Variants in GATA3 observed in about 807,000 individuals in gnomAD.
GATA3 encodes the protein trans-acting T-cell-specific transcription factor GATA-3.
Under a neutral mutation model 36.0 loss-of-function variants are expected in GATA3, and 6 were observed. The observed-to-expected ratio is 0.17, with a 90% confidence interval of 0.09 to 0.33. The LOEUF is 0.33. GATA3 is among the 10% of genes least tolerant of loss of function. The pLI is 1.00. For missense variants in GATA3, 514 were observed against 610.1 expected (o/e 0.84, Z 1.66); for synonymous variants, 326 against 273.0 (o/e 1.19, Z -1.92).
chr10:8,061,217 C>T (rs961328568), intron 3 of GATA3, among the ~76,000 whole-genome samples: 2 of 152,154 alleles, frequency 1.3e-5, no homozygotes, highest in African/African-American at 2.4e-5. Context: ...GCTGTCTTAA[C>T]GCCTGGGCTT....
At chr10:8,047,177 G>A (rs1244836520) in intron 1 of GATA3, among the ~76,000 whole-genome samples, 1 of 152,214 alleles carries the variant, frequency 6.6e-6, no homozygotes, top group African/African-American at 2.4e-5. Flanking sequence ...TTTTCTTTTG[G>A]GTTGTCCAGT....
At chr10:8,069,174 G>A (rs1832890858) in intron 4 of GATA3, among the ~76,000 whole-genome samples, 1 of 152,124 alleles carries the variant, frequency 6.6e-6, no homozygotes. Flanking sequence ...TGTGGGTTGA[G>A]GGTAGGAGGC....
rs1191930239 is a variant in GATA3, at chr10:8,058,453, C to T, written c.390C>T (p.Leu130=). The T allele has an allele frequency of 6.2e-7, 1 of 1,612,934 alleles. No homozygotes were observed. Among genetic ancestry groups the T allele is most frequent in the Non-Finnish European group, 8.5e-7 (1 of 1,179,906 alleles). Residue 130 remains leucine, a synonymous_variant, in exon 3 of 6, where the codon CTC becomes CTT. Transcript: ENST00000379328. ...TCCACCACGGCTCCCCGGGGCCCCTCTCCGTCTACCCCCCGGCCTCGTCCT... is the reference window on the plus strand; with the variant it reads ...TCCACCACGGCTCCCCGGGGCCCCTTTCCGTCTACCCCCCGGCCTCGTCCT... The part of the protein sequence containing the change: ...TSIHHGSPGP[L]SVYPPASSSS...
In GATA3 at chr10:8,073,999, C is replaced by T. The variant is rs2131523009; in HGVS notation, c.1311C>T (p.Ser437=). 3.1e-6 allele frequency: 5 copies of T among 1,614,146 alleles called. No individual in the cohort carries two copies. Among genetic ancestry groups the T allele is most frequent in the Non-Finnish European group, 4.2e-6 (5 of 1,180,014 alleles). The change falls in exon 6 of 6, where the codon TCC becomes TCT. Residue 437 remains serine (S), a synonymous_variant. Transcript: ENST00000379328. ...SSLSFGPHHP[S]SMVTAMG is the part of the protein sequence containing the mutation. Reference sequence around the variant, plus strand: ...TGTCCTTTGGACCACACCACCCCTCCAGCATGGTCACCGCCATGGGTTAGA... The same window carrying T: ...TGTCCTTTGGACCACACCACCCCTCTAGCATGGTCACCGCCATGGGTTAGA...
rs767609253 is a variant in GATA3 at position 8,055,868 on chromosome 10, G to A, written c.213G>A (p.Thr71=). The A allele has an allele frequency of 1.3e-6, 2 of 1,569,134 alleles. No individual in the cohort carries two copies. Among genetic ancestry groups the A allele is most frequent in the Non-Finnish European group, 8.6e-7 (1 of 1,156,898 alleles). The change falls in exon 2 of 6, where the codon ACG becomes ACA. Residue 71 remains threonine, a synonymous_variant. Transcript: ENST00000379328. This position sits in a 1 kb window ranked among gnomAD's most constrained non-coding sequence, Gnocchi z 5.4. ...ACTACGGAAACTCGGTCAGGGCCAC[G>A]GTGCAGAGGTACCCTCCGACCCACC... The part of the protein sequence containing the change: ...PPYYGNSVRA[T]VQRYPPTHHG...
chr10:8,057,681 C>T (rs563147807), intron 2 of GATA3, among the ~76,000 whole-genome samples: 2 of 152,300 alleles, frequency 1.3e-5, no homozygotes, highest in East Asian at 3.9e-4. Context: ...CTGGCCGTTT[C>T]TGAGCAAGCA....
chr10:8,064,659 G>A (rs1832806815), intron 4 of GATA3, among the ~76,000 whole-genome samples: 1 of 152,174 alleles, frequency 6.6e-6, no homozygotes, highest in African/African-American at 2.4e-5. Flanking sequence ...AAAATGGTTG[G>A]AGCTGATTAA....
Position 8,055,177 on chromosome 10 carries a change from C to T in GATA3, c.-369-110C>T, listed in dbSNP as rs927932954. On this transcript the variant is annotated intron_variant, in intron 1 of 5. Coordinates refer to ENST00000379328, the MANE Select transcript of GATA3 (RefSeq NM_001002295.2). This position sits in a 1 kb window ranked among gnomAD's most constrained non-coding sequence, Gnocchi z 5.4. ...TGCGGGCTCCGCGGCCGTGTCCCCG[C>T]GCTCCCGTGCGGGTCTCGGGTGCGC... 7.6e-5 allele frequency: 18 copies of T among 235,980 alleles called. No homozygotes were observed. The highest frequency in any genetic ancestry group is 1.1e-4 in the Admixed American group (2 of 18,126). The allele number at this position is 235,980 out of a possible 1,614,324, so 14.6% of individuals were successfully genotyped here. A position where few individuals can be genotyped will look rare whatever the true frequency, so the allele number is the denominator to read the frequency against.
At chr10:8,057,709 A>G (rs1832664545) in intron 2 of GATA3, among the ~76,000 whole-genome samples, 1 of 152,140 alleles carries the variant, frequency 6.6e-6, no homozygotes, top group South Asian at 2.1e-4. Context: ...AGGTTTCCGG[A>G]AACTAACCCT....
In GATA3 at chr10:8,055,073, G is replaced by C. The variant is rs1832600584; in HGVS notation, c.-370+182G>C. ...CTTGCCCTCCAAGTCGTAACAGTCA[G>C]CCCTGGGACTTGCCCTCCAAGTTGC... On this transcript the variant is annotated intron_variant, in intron 1 of 5. Coordinates refer to ENST00000379328, the MANE Select transcript of GATA3 (RefSeq NM_001002295.2). This position sits in a 1 kb window ranked among gnomAD's most constrained non-coding sequence, Gnocchi z 5.4. 6.6e-6 allele frequency among the ~76,000 whole-genome samples: 1 copy of C among 151,976 alleles called. No individual in the cohort carries two copies. The highest frequency in any genetic ancestry group is 1.5e-5 in the Non-Finnish European group (1 of 67,942).
At chr10:8,053,174 T>C (rs1832543950), upstream of GATA3, 1 of 152,236 alleles carries the variant, frequency 6.6e-6, no homozygotes. This position sits in a 1 kb window ranked among gnomAD's most constrained non-coding sequence, Gnocchi z 5.1. Flanking sequence ...AAAGGAATCC[T>C]TCAGAACTTA....
At chr10:8,066,738 C>T (rs1413114245) in intron 4 of GATA3, among the ~76,000 whole-genome samples, 1 of 152,214 alleles carries the variant, frequency 6.6e-6, no homozygotes, top group Non-Finnish European at 1.5e-5. Flanking sequence ...CATCTCACCA[C>T]TAGTGAGAGG....
intron 2 of GATA3, among the ~76,000 whole-genome samples, chr10:8,056,885 A>G (rs1471915942): frequency 2.0e-5 from 3 of 152,236 alleles, no homozygotes; most frequent in Middle Eastern, 3.2e-3. Flanking sequence ...AAACAGGGGT[A>G]AAACATCGGG....
chr10:8,054,124 T>A (rs542286658), upstream of GATA3, among the ~76,000 whole-genome samples: 6 of 152,266 alleles, frequency 3.9e-5, no homozygotes, highest in Admixed American at 3.3e-4. This position sits in a 1 kb window ranked among gnomAD's most constrained non-coding sequence, Gnocchi z 4.2. Flanking sequence ...TCTTAGGAAG[T>A]CGGCCCGAGA....
At chr10:8,065,964 A>T (rs1252505728) in intron 4 of GATA3, among the ~76,000 whole-genome samples, 1 of 5,406 alleles carries the variant, frequency 1.8e-4, no homozygotes, top group Non-Finnish European at 4.1e-4. Context: ...GGCCTTAGTA[A>T]AAAAAAAAAA....
chr10:8,051,222 T>A (rs485411), upstream of GATA3: 3 of 413,694 alleles, frequency 7.3e-6, no homozygotes, highest in South Asian at 3.6e-5. Context: ...CCCTACCGAG[T>A]GGAGAAAGTC....
chr10:8,074,255 T>C lies in GATA3; in HGVS notation c.*232T>C. 3 of 567,222 alleles carry C rather than the reference T, an allele frequency of 5.3e-6. No homozygotes were observed. Among genetic ancestry groups the C allele is most frequent in the South Asian group, 2.3e-5 (1 of 42,664 alleles). The allele number at this position is 567,222 out of a possible 1,614,324, so 35.1% of individuals were successfully genotyped here. Reference sequence around the variant, plus strand: ...AAGCCATTCTGACTCATATCCCCTATTTAACAGGGTCTCTAGTGCTGTGAA... The same window carrying C: ...AAGCCATTCTGACTCATATCCCCTACTTAACAGGGTCTCTAGTGCTGTGAA... On this transcript the variant is annotated 3_prime_UTR_variant, in exon 6 of 6. Transcript: ENST00000379328.
intron 1 of GATA3, among the ~76,000 whole-genome samples, chr10:8,045,777 C>T (rs534403030): frequency 1.3e-5 from 2 of 152,228 alleles, no homozygotes; most frequent in East Asian, 3.9e-4. Context: ...TGAAGAAAAA[C>T]CCAACGGAAG....
At chr10:8,061,102 T>G (rs1169731430) in intron 3 of GATA3, among the ~76,000 whole-genome samples, 1 of 151,916 alleles carries the variant, frequency 6.6e-6, no homozygotes, top group Non-Finnish European at 1.5e-5. Flanking sequence ...TTTTACCCCT[T>G]TAACCTCTTC....
Sources: gnomAD v4.1 joint callset for allele counts (sites outside exome capture counted in the v4.1 genomes callset) on GRCh38, gnomAD v4.1.1 for gene constraint, Gnocchi (gnomAD v3.1) non-coding constraint, MANE v1.5 for transcripts, NCBI Gene and HGNC (gene_info 2026-07-23, HGNC 2026-07-21) for gene names.